PCNX1: variants seen among roughly 807,000 people sequenced by gnomAD.
PCNX1 encodes the protein pecanex-like protein 1.
In PCNX1, 78 loss-of-function variants were observed where a neutral mutation model predicts 242.2. The ratio of observed to expected loss-of-function variants is 0.32; its 90% CI spans 0.27 to 0.39. The LOEUF (loss-of-function observed/expected upper bound fraction) is 0.39, where lower values mean the gene tolerates loss of function less well. Among genes scored for constraint, PCNX1 ranks in the 10% least tolerant of loss-of-function variants. The pLI is 1.00. For synonymous variants in PCNX1, 1,024 were observed against 1,032.9 expected (o/e 0.99, Z 0.17); for missense variants, 2,581 against 2,856.5 (o/e 0.90, Z 2.20).
At chr14:70,974,656 C>T (rs1452126028) in intron 5 of PCNX1, among the ~76,000 whole-genome samples, 1 of 152,190 alleles carries the variant, frequency 6.6e-6, no homozygotes, top group Non-Finnish European at 1.5e-5. Context: ...GCAACAATTT[C>T]TTACCTTCAA....
chr14:70,960,971 C>T (rs1038533544), intron 2 of PCNX1, among the ~76,000 whole-genome samples: 3 of 152,050 alleles, frequency 2.0e-5, no homozygotes, highest in African/African-American at 7.2e-5. Flanking sequence ...ATGTGAAGGA[C>T]CTCTTAATGG....
intron 1 of PCNX1, among the ~76,000 whole-genome samples, chr14:70,911,555 AGAT>A (rs2055909520): frequency 6.6e-6 from 1 of 152,172 alleles, no homozygotes; most frequent in Non-Finnish European, 1.5e-5. Context: ...TACATGTCAC[AGAT>A]GATGAGATTT....
chr14:70,999,827 G>A (rs1000372996), intron 8 of PCNX1, among the ~76,000 whole-genome samples: 1 of 152,126 alleles, frequency 6.6e-6, no homozygotes, highest in African/African-American at 2.4e-5. Context: ...AGTACTTTTA[G>A]TGACTTTTAT....
Position 71,041,262 on chromosome 14 carries a change from G to C in PCNX1, c.3868-3871G>C, listed in dbSNP as rs183100154. Among the ~76,000 whole-genome samples the C allele has an allele frequency of 2.6e-5, 4 of 152,042 alleles. No homozygotes were observed. The South Asian group carries it at 8.3e-4, about 32-fold the overall frequency. ...CTCAGGAACTTCCAAACTGTTCTCC[G>C]TAGTGGTTGTACTAATTTATATTCC... On this transcript the variant is annotated intron_variant, in intron 19 of 35. Coordinates refer to ENST00000304743, the MANE Select transcript of PCNX1 (RefSeq NM_014982.3).
At chr14:70,958,761 T>C (rs186892432) in intron 2 of PCNX1, among the ~76,000 whole-genome samples, 131 of 152,122 alleles carry the variant, frequency 8.6e-4, no homozygotes, top group African/African-American at 2.9e-3. Context: ...CTAGAGCTAA[T>C]CTCAATGACC....
chr14:70,913,338 C>T (rs950455861), intron 1 of PCNX1, among the ~76,000 whole-genome samples: 2 of 152,126 alleles, frequency 1.3e-5, no homozygotes, highest in Admixed American at 6.6e-5. Flanking sequence ...GAGCTGCTTA[C>T]TTAGGGGTTA....
At chr14:71,053,017 C>T (rs943798206) in intron 24 of PCNX1, among the ~76,000 whole-genome samples, 1 of 152,198 alleles carries the variant, frequency 6.6e-6, no homozygotes, top group African/African-American at 2.4e-5. Context: ...GCCTTTCTCT[C>T]TATACTTTCA....
intron 23 of PCNX1, among the ~76,000 whole-genome samples, chr14:71,051,192 AAAAAAAT>A (rs1312466057): frequency 1.3e-5 from 2 of 150,662 alleles, no homozygotes; most frequent in Non-Finnish European, 1.5e-5. Context: ...AAAAAAAAAA[AAAAAAAT>A]CATAACCTTT....
rs558385347 is a variant in PCNX1 at position 70,918,806 on chromosome 14, A to G, written c.153+10803A>G. Among the ~76,000 whole-genome samples, 15 of 152,230 alleles carry G rather than the reference A, an allele frequency of 9.9e-5. 1 individual carries two copies. In the South Asian group the frequency reaches 1.9e-3, roughly 19 times the overall value. On this transcript the variant is annotated intron_variant, in intron 1 of 35. Coordinates refer to ENST00000304743, the MANE Select transcript of PCNX1 (RefSeq NM_014982.3). ...AGAGTACTTGTTTTCCCACTCTCAC[A>G]TAACACTTTTCCAAAACAGGGTGTT...
intron 1 of PCNX1, among the ~76,000 whole-genome samples, chr14:70,911,094 T>TA (rs2055883724): frequency 1.3e-5 from 2 of 152,226 alleles, no homozygotes; most frequent in African/African-American, 4.8e-5. Context: ...CAGACAGCCA[T>TA]AGGTTATTAT....
intron 28 of PCNX1, among the ~76,000 whole-genome samples, chr14:71,076,971 A>C (rs371577029): frequency 3.3e-5 from 5 of 152,222 alleles, no homozygotes; most frequent in Non-Finnish European, 7.4e-5. Flanking sequence ...AGTGACTACC[A>C]TATTAGACAG....
chr14:70,907,734 C>G lies in PCNX1; in HGVS notation c.-117C>G. On this transcript the variant is annotated 5_prime_UTR_variant, in exon 1 of 36. Coordinates refer to ENST00000304743, the MANE Select transcript of PCNX1 (RefSeq NM_014982.3). ...CCGCCGAAGCGCCGGCTCGCTCACCCGGAGCTCCGGAGGTGGATAGACGGG... is the reference window on the plus strand; with the variant it reads ...CCGCCGAAGCGCCGGCTCGCTCACCGGGAGCTCCGGAGGTGGATAGACGGG... 1 of 1,144,638 alleles carries G rather than the reference C, an allele frequency of 8.7e-7. No homozygotes were observed. The highest frequency in any genetic ancestry group is 1.1e-6 in the Non-Finnish European group (1 of 925,992). The allele number at this position is 1,144,638 out of a possible 1,614,324, so 70.9% of individuals were successfully genotyped here.
At chr14:71,019,937 C>A (rs1409878417) in intron 12 of PCNX1, among the ~76,000 whole-genome samples, 1 of 151,966 alleles carries the variant, frequency 6.6e-6, no homozygotes, top group Non-Finnish European at 1.5e-5. Flanking sequence ...CCTCCCCTAC[C>A]CTCCGCCCCC....
chr14:70,956,629 T>A (rs2058005357), intron 2 of PCNX1, among the ~76,000 whole-genome samples: 1 of 152,008 alleles, frequency 6.6e-6, no homozygotes, highest in East Asian at 1.9e-4. Flanking sequence ...ACAGACCTGG[T>A]TTTTGAGCCT....
chr14:71,069,257 A>G (rs2061531959), intron 26 of PCNX1, among the ~76,000 whole-genome samples: 2 of 152,196 alleles, frequency 1.3e-5, no homozygotes, highest in African/African-American at 4.8e-5. Context: ...ACAATTCAAG[A>G]TCAGATTTGG....
intron 30 of PCNX1, among the ~76,000 whole-genome samples, chr14:71,100,089 G>C (rs1284764374): frequency 6.6e-6 from 1 of 152,068 alleles, no homozygotes; most frequent in Non-Finnish European, 1.5e-5. Flanking sequence ...TGATATGTGA[G>C]GTTTTGGTCC....
At chr14:70,925,610 G>T (rs1309227422) in intron 1 of PCNX1, among the ~76,000 whole-genome samples, 2 of 115,812 alleles carry the variant, frequency 1.7e-5, no homozygotes, top group African/African-American at 3.4e-5. Flanking sequence ...ATCTTTGGTT[G>T]CCCTGAACTG....
intron 5 of PCNX1, among the ~76,000 whole-genome samples, chr14:70,975,907 T>G (rs1566644291): frequency 6.6e-6 from 1 of 152,044 alleles, no homozygotes; most frequent in Non-Finnish European, 1.5e-5. Context: ...CATGAAGTAT[T>G]TTTTAATTGC....
At chr14:70,968,301 T>C in intron 4 of PCNX1, 58 bp downstream of exon 4, 2 of 1,151,418 alleles carry the variant, frequency 1.7e-6, no homozygotes, top group African/African-American at 1.5e-5. Context: ...TTGGTTGTAA[T>C]GAAGATAACA....
Sources: allele counts gnomAD v4.1 joint callset (sites outside exome capture counted in the v4.1 genomes callset), GRCh38; gene constraint gnomAD v4.1.1; transcripts MANE v1.5; gene names NCBI Gene and HGNC (gene_info 2026-07-23, HGNC 2026-07-21).